Variants in MYOM2 observed in about 807,000 individuals in gnomAD.
MYOM2 encodes myomesin 2, also known as myomesin-2.
In MYOM2, 254 loss-of-function variants were observed where a neutral mutation model predicts 187.6. That is an observed-to-expected ratio of 1.35 (90% CI 1.22 to 1.50). The LOEUF is 1.50. Among genes scored for constraint, MYOM2 ranks in the 40% most tolerant of loss-of-function variants. MYOM2 has a pLI of 0.00. For synonymous variants in MYOM2, 981 were observed against 753.8 expected (o/e 1.30, Z -4.94); for missense variants, 2,796 against 1,924.0 (o/e 1.45, Z -8.48).
At position 2,131,770 on chromosome 8, in the gene MYOM2, A is replaced by T. The variant is rs147884694; in HGVS notation, c.3800+2538A>T. Among the ~76,000 whole-genome samples the T allele has an allele frequency of 2.6e-5, 4 of 151,096 alleles. No homozygotes were observed. The South Asian group carries it at 6.3e-4, about 24-fold the overall frequency. On this transcript the variant is annotated intron_variant, in intron 32 of 36. Transcript: ENST00000262113. ...GCCATTCTCCTGCCTCAGCCTCCCA[A>T]GTAGCTGGGACTACAGGCGCCCACC...
Position 2,085,282 on chromosome 8 carries a change from G to T in MYOM2, c.1536G>T (p.Gly512=), listed in dbSNP as rs1301730615. The T allele has an allele frequency of 6.2e-7, 1 of 1,613,912 alleles. No homozygotes were observed. Among genetic ancestry groups the T allele is most frequent in the Non-Finnish European group, 8.5e-7 (1 of 1,179,980 alleles). The change falls in exon 14 of 37, where the codon GGG becomes GGT. Residue 512 remains glycine, a synonymous_variant. Coordinates refer to ENST00000262113, the MANE Select transcript of MYOM2 (RefSeq NM_003970.4). ...CTCCAGGTGACGCCCAGGTTCCAGG[G>T]CCTCCCACCGGTGTGCACGCTTCCG... The part of the protein sequence containing the change: ...DDLEGDAQVP[G]PPTGVHASEI...
intron 31 of MYOM2, among the ~76,000 whole-genome samples, chr8:2,128,491 T>G (rs1797734681): frequency 6.6e-6 from 1 of 152,264 alleles, no homozygotes; most frequent in South Asian, 2.1e-4. Context: ...AGTTCAGAGC[T>G]TCTGCCTTCA....
intron 11 of MYOM2, among the ~76,000 whole-genome samples, chr8:2,077,841 T>A (rs1474048594): frequency 6.6e-6 from 1 of 152,236 alleles, no homozygotes; most frequent in Admixed American, 6.5e-5. Context: ...TCCTTTGGGC[T>A]TACGACTTGC....
chr8:2,144,094 C>G (rs535701386), intron 36 of MYOM2, among the ~76,000 whole-genome samples: 2 of 152,176 alleles, frequency 1.3e-5, no homozygotes, highest in South Asian at 4.1e-4. Context: ...TTATAGACGT[C>G]TTCTTTAGTA....
chr8:2,088,678 G>A (rs1796181139), intron 14 of MYOM2, among the ~76,000 whole-genome samples: 1 of 152,286 alleles, frequency 6.6e-6, no homozygotes. Context: ...ACCATTGCAG[G>A]GTTGAGTCCA....
Position 2,130,126 on chromosome 8 carries a change from C to CTA in MYOM2, c.3800+897_3800+898dup, listed in dbSNP as rs541251211. Among the ~76,000 whole-genome samples, 356 of 147,672 alleles carry CTA rather than the reference C, an allele frequency of 2.4e-3. 1 individual carries two copies. The Middle Eastern group carries it at 0.029, about 12-fold the overall frequency. Reference sequence around the variant, plus strand: ...CCTTTAGTTAACGCCCCTCAGTACGCTATACCCAGGGCGTCCCCACCGCGC... The same window carrying CTA: ...CCTTTAGTTAACGCCCCTCAGTACGCTATATACCCAGGGCGTCCCCACCGCGC... On this transcript the variant is annotated intron_variant, in intron 32 of 36. Coordinates refer to ENST00000262113, the MANE Select transcript of MYOM2 (RefSeq NM_003970.4).
intron 32 of MYOM2, among the ~76,000 whole-genome samples, chr8:2,139,544 A>G (rs1203196726): frequency 6.6e-6 from 1 of 152,156 alleles, no homozygotes; most frequent in East Asian, 1.9e-4. Flanking sequence ...CCCTTTCCCG[A>G]TGGAACATAG....
chr8:2,061,665 T>G (rs564159770), intron 6 of MYOM2, among the ~76,000 whole-genome samples: 53 of 152,334 alleles, frequency 3.5e-4, no homozygotes, highest in Admixed American at 2.8e-3. Flanking sequence ...CCTGGGGCCT[T>G]TGTCCTGCTG....
At chr8:2,054,816 G>C (rs1265430596) in intron 3 of MYOM2, among the ~76,000 whole-genome samples, 1 of 152,188 alleles carries the variant, frequency 6.6e-6, no homozygotes, top group Non-Finnish European at 1.5e-5. Context: ...GTTCCCTGCA[G>C]GACATCTGAC....
chr8:2,076,330 C>A (rs1204687854), intron 11 of MYOM2, 48 bp downstream of exon 11: 1 of 1,596,126 alleles, frequency 6.3e-7, no homozygotes, highest in South Asian at 1.1e-5. Context: ...CGCATGGAAT[C>A]TTACCATGGA....
chr8:2,089,270 CA>C (rs1201381583), intron 14 of MYOM2, among the ~76,000 whole-genome samples: 1 of 122,802 alleles, frequency 8.1e-6, no homozygotes, highest in African/African-American at 2.6e-5. Context: ...ATTAAACAAG[CA>C]GTATATAAAA....
chr8:2,062,341 G>T (rs536179806), intron 6 of MYOM2, among the ~76,000 whole-genome samples: 1 of 152,316 alleles, frequency 6.6e-6, no homozygotes, highest in East Asian at 1.9e-4. Flanking sequence ...GGCCTGGCAG[G>T]CCTGGTGGGA....
intron 10 of MYOM2, among the ~76,000 whole-genome samples, chr8:2,074,332 G>A (rs371065008): frequency 1.3e-5 from 2 of 152,056 alleles, no homozygotes; most frequent in East Asian, 3.9e-4. Flanking sequence ...ATGTCTCTAG[G>A]GTAGAGAAGC....
rs1012928579 is a variant in MYOM2, at chr8:2,078,582, C to T, written c.1263-152C>T. The T allele has an allele frequency of 2.4e-4, 156 of 647,010 alleles. 1 individual carries two copies. The East Asian group carries it at 3.9e-3, about 16-fold the overall frequency. 40.1% of individuals were successfully genotyped at this position (647,010 alleles called of 1,614,324 possible). On this transcript the variant is annotated intron_variant, in intron 11 of 36. Transcript: ENST00000262113. ...AATAGCTCTGTCTTCTAATGTTTAT[C>T]TATACAAGTCAATATCTTAGCAGCA...
At chr8:2,126,757 G>T (rs1206138770) in intron 31 of MYOM2, among the ~76,000 whole-genome samples, 1 of 134,032 alleles carries the variant, frequency 7.5e-6, no homozygotes, top group African/African-American at 2.8e-5. Flanking sequence ...ACTGGGGGAG[G>T]ATGGGGGAGT....
At chr8:2,062,551 G>C (rs1225580043) in intron 6 of MYOM2, among the ~76,000 whole-genome samples, 2 of 152,188 alleles carry the variant, frequency 1.3e-5, no homozygotes, top group Non-Finnish European at 2.9e-5. Flanking sequence ...CCTGGGTTGG[G>C]CAGTGGAGTT....
intron 6 of MYOM2, among the ~76,000 whole-genome samples, chr8:2,062,971 T>A (rs568613637): frequency 6.6e-6 from 1 of 152,250 alleles, no homozygotes; most frequent in Admixed American, 6.5e-5. Flanking sequence ...ATAAAGTCGT[T>A]GAATCCGCCC....
At chr8:2,055,524 A>C (rs1254402670) in intron 3 of MYOM2, among the ~76,000 whole-genome samples, 1 of 151,980 alleles carries the variant, frequency 6.6e-6, no homozygotes, top group Non-Finnish European at 1.5e-5. Flanking sequence ...GAGCGGGGAC[A>C]GGGAGGTGCG....
intron 15 of MYOM2, among the ~76,000 whole-genome samples, 187 bp from the exon 16 acceptor site, chr8:2,092,159 G>C (rs917872254): frequency 4.6e-5 from 7 of 151,928 alleles, no homozygotes; most frequent in African/African-American, 1.7e-4. Flanking sequence ...AGAGAGACCA[G>C]CACCTCCCAA....
Sources: gnomAD v4.1 joint callset for allele counts (sites outside exome capture counted in the v4.1 genomes callset) on GRCh38, gnomAD v4.1.1 for gene constraint, MANE v1.5 for transcripts, NCBI Gene and HGNC (gene_info 2026-07-23, HGNC 2026-07-21) for gene names.